Variants in FRMD6 observed in about 807,000 individuals in gnomAD.
The protein encoded by FRMD6 is FERM domain containing 6.
In FRMD6, 37 loss-of-function variants were observed where a neutral mutation model predicts 73.2. The ratio of observed to expected loss-of-function variants is 0.51; its 90% CI spans 0.39 to 0.66. The LOEUF is 0.66. Among genes scored for constraint, FRMD6 ranks in the 30% least tolerant of loss-of-function variants. The pLI is 0.00. For missense variants in FRMD6, 714 were observed against 780.5 expected, an observed-to-expected ratio of 0.91 and a Z score of 1.02; for synonymous variants, 273 against 282.2, an observed-to-expected ratio of 0.97 and a Z score of 0.33.
At chr14:51,666,108 AT>A (rs1156833473) in intron 1 of FRMD6, among the ~76,000 whole-genome samples, 6 of 152,250 alleles carry the variant, frequency 3.9e-5, no homozygotes, top group Non-Finnish European at 5.9e-5. Flanking sequence ...TCAAAATCTT[AT>A]GTGAAATCTA....
intron 1 of FRMD6, among the ~76,000 whole-genome samples, chr14:51,558,681 T>A (rs1887296820): frequency 6.6e-6 from 1 of 152,218 alleles, no homozygotes; most frequent in Non-Finnish European, 1.5e-5. Flanking sequence ...TTCTTTTTAC[T>A]TAGAGACCAC....
the FRMD6 span, among the ~76,000 whole-genome samples, chr14:51,474,665 C>A: frequency 5.9e-5 from 9 of 152,226 alleles, no homozygotes; most frequent in Middle Eastern, 3.4e-3. Context: ...CCAGCCCACA[C>A]TGGGGAGTGA....
At chr14:51,523,131 A>G (rs929953681) in intron 1 of FRMD6, among the ~76,000 whole-genome samples, 1 of 152,230 alleles carries the variant, frequency 6.6e-6, no homozygotes. Flanking sequence ...ATAATCAGGA[A>G]AAAAACATTT....
intron 3 of FRMD6, among the ~76,000 whole-genome samples, chr14:51,700,000 G>A (rs371707497): frequency 1.3e-4 from 20 of 151,864 alleles, no homozygotes; most frequent in African/African-American, 2.9e-4. Context: ...ACTTAATGTC[G>A]TTTATAACCA....
At chr14:51,434,722 A>C in the FRMD6 span, among the ~76,000 whole-genome samples, 1 of 152,210 alleles carries the variant, frequency 6.6e-6, no homozygotes, top group Admixed American at 6.5e-5. Context: ...CTATTTGCAT[A>C]GTCTTAAATT....
chr14:51,561,600 T>G (rs1486565743), intron 1 of FRMD6, among the ~76,000 whole-genome samples: 1 of 152,192 alleles, frequency 6.6e-6, no homozygotes, highest in Non-Finnish European at 1.5e-5. Flanking sequence ...ACAACAGGCT[T>G]GGGTGTTTTG....
chr14:51,606,731 G>A (rs923593509), intron 2 of FRMD6, among the ~76,000 whole-genome samples: 1 of 152,140 alleles, frequency 6.6e-6, no homozygotes, highest in African/African-American at 2.4e-5. Context: ...TGCAAATGGA[G>A]GCTGGGAAGA....
chr14:51,687,199 T>C (rs895641752), intron 1 of FRMD6, among the ~76,000 whole-genome samples: 1 of 152,200 alleles, frequency 6.6e-6, no homozygotes, highest in African/African-American at 2.4e-5. Context: ...TATTTTTTTC[T>C]AGTTTATTTT....
At chr14:51,414,785 G>A in the FRMD6 span, among the ~76,000 whole-genome samples, 1,181 of 152,286 alleles carry the variant, frequency 7.8e-3, 17 homozygotes, top group Middle Eastern at 0.048. Flanking sequence ...TCCTATCCAT[G>A]AGCATGGAAT....
chr14:51,654,428 A>C (rs1169914094), intron 1 of FRMD6, among the ~76,000 whole-genome samples: 2 of 152,066 alleles, frequency 1.3e-5, no homozygotes, highest in African/African-American at 4.8e-5. Flanking sequence ...AGATGCTTGG[A>C]ATGAAAGTTT....
the FRMD6 span, among the ~76,000 whole-genome samples, chr14:51,445,825 C>T: frequency 6.6e-5 from 10 of 152,242 alleles, no homozygotes; most frequent in East Asian, 1.9e-4. Context: ...TGTAATTTTG[C>T]GTTTACCCAT....
At chr14:51,698,121 T>C (rs780992849) in intron 2 of FRMD6, 21 bp from the exon 3 acceptor site, 2 of 1,575,622 alleles carry the variant, frequency 1.3e-6, no homozygotes, top group South Asian at 1.1e-5. Flanking sequence ...TTATTTTACG[T>C]CGTGCCTTTT....
At chr14:51,402,212 T>C in the FRMD6 span, among the ~76,000 whole-genome samples, 1 of 152,160 alleles carries the variant, frequency 6.6e-6, no homozygotes, top group African/African-American at 2.4e-5. Context: ...AGTAGGAAGG[T>C]TGGGGAGTTT....
At chr14:51,478,154 A>G in the FRMD6 span, among the ~76,000 whole-genome samples, 14 of 152,362 alleles carry the variant, frequency 9.2e-5, no homozygotes, top group Non-Finnish European at 2.1e-4. Context: ...CTTCAACAGC[A>G]TGCTTTTCAA....
rs375999560 is a variant in FRMD6 at position 51,490,599 on chromosome 14, C to T, written c.-210+1179C>T. 5.7e-4 allele frequency among the ~76,000 whole-genome samples: 61 copies of T among 106,150 alleles called. 1 individual carries two copies. In the East Asian group the frequency reaches 8.2e-3, roughly 14 times the overall value. 69.6% of individuals were successfully genotyped at this position (106,150 alleles called of 152,430 possible). On this transcript the variant is annotated intron_variant, in intron 1 of 14. Coordinates refer to the FRMD6 transcript ENST00000356218. ...GTGGGGCACAGTGCTAGGTCCTGGA[C>T]GATATATGTGTGTATTTTGTGTGTG...
At chr14:51,719,951 G>A in intron 10 of FRMD6, 104 bp from the exon 11 acceptor site, 1 of 819,256 alleles carries the variant, frequency 1.2e-6, no homozygotes, top group Non-Finnish European at 2.0e-6. Flanking sequence ...CCAATCACTA[G>A]ATTCTGAATT....
At chr14:51,428,356 T>C in the FRMD6 span, among the ~76,000 whole-genome samples, 2 of 152,148 alleles carry the variant, frequency 1.3e-5, no homozygotes, top group Non-Finnish European at 2.9e-5. Context: ...CATGTACAAG[T>C]GACTTCTGTG....
At chr14:51,503,385 T>C (rs1883732454) in intron 1 of FRMD6, among the ~76,000 whole-genome samples, 1 of 152,208 alleles carries the variant, frequency 6.6e-6, no homozygotes, top group African/African-American at 2.4e-5. Flanking sequence ...ATACCTAGTT[T>C]ATTGAGAGTT....
chr14:51,482,467 T>C, the FRMD6 span, among the ~76,000 whole-genome samples: 3 of 152,192 alleles, frequency 2.0e-5, no homozygotes, highest in Non-Finnish European at 2.9e-5. Context: ...CCATGGGTGT[T>C]TCTATAACCT....
Sources: allele counts gnomAD v4.1 joint callset (sites outside exome capture counted in the v4.1 genomes callset), GRCh38; gene constraint gnomAD v4.1.1; transcripts MANE v1.5; gene names NCBI Gene and HGNC (gene_info 2026-07-23, HGNC 2026-07-21).